The following SLC38A9 variants were observed in gnomAD, a reference collection of about 807,000 sequenced individuals.
SLC38A9 encodes the protein neutral amino acid transporter 9.
SLC38A9 carries 48 observed loss-of-function variants against 62.3 expected under a neutral mutation model. The observed-to-expected ratio is 0.77, with a 90% CI of 0.61 to 0.98. The LOEUF is 0.98. Ranked by LOEUF, SLC38A9 falls within the 50% of genes least tolerant of loss-of-function variation. The pLI is 0.00. For missense variants in SLC38A9, 541 were observed against 679.8 expected (o/e 0.80, Z 2.27); for synonymous variants, 204 against 227.7 (o/e 0.90, Z 0.94).
At position 55,683,288 on chromosome 5, in the gene SLC38A9, T is replaced by A. The variant is rs561508025; in HGVS notation, c.114-10593A>T. Among the ~76,000 whole-genome samples the A allele has an allele frequency of 2.0e-4, 30 of 152,278 alleles. 1 individual carries two copies. The highest frequency in any genetic ancestry group is 7.0e-4 in the African/African-American group (29 of 41,560). On this transcript the variant is annotated intron_variant, in intron 3 of 15. Coordinates refer to ENST00000396865, the MANE Select transcript of SLC38A9 (RefSeq NM_173514.4). ...GTGCAGTGGCTATTCACAGGCACGATCATAGTGCACTGTGGACTCAAACTC... is the reference window on the plus strand; with the variant it reads ...GTGCAGTGGCTATTCACAGGCACGAACATAGTGCACTGTGGACTCAAACTC...
intron 12 of SLC38A9, among the ~76,000 whole-genome samples, chr5:55,645,537 G>C (rs1214085023): frequency 1.3e-5 from 2 of 152,098 alleles, no homozygotes; most frequent in Non-Finnish European, 2.9e-5. Context: ...ATTATCTATG[G>C]CTGCTTTCAT....
rs540983532 is a variant in SLC38A9, at chr5:55,659,968, G to A, written c.698-3194C>T. On this transcript the variant is annotated intron_variant, in intron 8 of 15. Coordinates refer to ENST00000396865, the MANE Select transcript of SLC38A9 (RefSeq NM_173514.4). Reference sequence around the variant, plus strand: ...CTTTTAGTAGAGACAGGGTTTCACCGTGTTCGCCAAGATGGTCTCGGTCTC... The same window carrying A: ...CTTTTAGTAGAGACAGGGTTTCACCATGTTCGCCAAGATGGTCTCGGTCTC... Among the ~76,000 whole-genome samples the A allele has an allele frequency of 9.9e-5, 15 of 150,860 alleles. No homozygotes were observed. In the South Asian group the frequency reaches 2.9e-3, roughly 30 times the overall value.
intron 3 of SLC38A9, among the ~76,000 whole-genome samples, chr5:55,679,796 C>T (rs1240682681): frequency 6.6e-6 from 1 of 152,190 alleles, no homozygotes; most frequent in Admixed American, 6.5e-5. Flanking sequence ...TGGTGAGTGA[C>T]ATTCCACAAA....
Position 55,669,579 on chromosome 5 carries a change from C to G in SLC38A9, c.410G>C (p.Ser137Thr). 6.2e-7 allele frequency: 1 copy of G among 1,609,952 alleles called. No homozygotes were observed. Among genetic ancestry groups the G allele is most frequent in the Non-Finnish European group, 8.5e-7 (1 of 1,177,676 alleles). Residue 137 changes from serine to threonine, a missense_variant, in exon 6 of 16, where the codon AGC (serine) becomes ACC (threonine). Coordinates refer to ENST00000396865, the MANE Select transcript of SLC38A9 (RefSeq NM_173514.4). Reference sequence around the variant, plus strand: ...TACCTGTTTTATGCCCCAAGGAATGCTTAGTATAGATGTTCCCATCATGGT... The same window carrying G: ...TACCTGTTTTATGCCCCAAGGAATGGTTAGTATAGATGTTCCCATCATGGT... ...WNTMMGTSIL[S>T]IPWGIKQAGF...
chr5:55,688,451 C>T (rs1308601381), intron 3 of SLC38A9, among the ~76,000 whole-genome samples: 2 of 149,514 alleles, frequency 1.3e-5, no homozygotes, highest in African/African-American at 4.9e-5. Flanking sequence ...CCGATCCCGG[C>T]TCACTGCAAG....
chr5:55,665,476 G>A (rs1462686877), intron 7 of SLC38A9, among the ~76,000 whole-genome samples: 1 of 151,366 alleles, frequency 6.6e-6, no homozygotes, highest in Non-Finnish European at 1.5e-5. Flanking sequence ...GAACCTGGGA[G>A]GCAGAGGTTG....
Position 55,649,620 on chromosome 5 carries a change from G to A in SLC38A9, c.953-306C>T, listed in dbSNP as rs1026672229. Among the ~76,000 whole-genome samples the A allele has an allele frequency of 3.3e-5, 5 of 152,244 alleles. No homozygotes were observed. The East Asian group carries it at 5.8e-4, about 18-fold the overall frequency. The stretch of plus-strand genomic sequence containing the variant: ...GCAGACCACCTGAGGTCAGGAGTTC[G>A]AGACCAAACCGGCCAACATGGCGAA... On this transcript the variant is annotated intron_variant, in intron 10 of 15. Transcript: ENST00000396865.
intron 8 of SLC38A9, among the ~76,000 whole-genome samples, chr5:55,660,286 G>A (rs901863328): frequency 5.9e-5 from 9 of 151,870 alleles, no homozygotes; most frequent in African/African-American, 1.9e-4. Flanking sequence ...GGTGGTATTT[G>A]CCTGTAGTCT....
At chr5:55,687,075 T>TTG (rs1554065525) in intron 3 of SLC38A9, among the ~76,000 whole-genome samples, 1,066 of 26,486 alleles carry the variant, frequency 0.04, 9 homozygotes, top group African/African-American at 0.074. Flanking sequence ...GTTTTTTTTT[T>TTG]TTTTTTTTTT....
chr5:55,650,426 C>A (rs918118532), intron 10 of SLC38A9, among the ~76,000 whole-genome samples: 2 of 152,194 alleles, frequency 1.3e-5, no homozygotes, highest in African/African-American at 4.8e-5. Context: ...CCTTAAGGAG[C>A]TGAAGAATGA....
chr5:55,648,937 A>C (rs1183895651), intron 11 of SLC38A9, among the ~76,000 whole-genome samples: 1 of 152,186 alleles, frequency 6.6e-6, no homozygotes, highest in Non-Finnish European at 1.5e-5. Flanking sequence ...ATATACCCAT[A>C]AGAAAGGCTA....
chr5:55,666,270 A>T (rs1312244368), intron 7 of SLC38A9, among the ~76,000 whole-genome samples: 1 of 152,212 alleles, frequency 6.6e-6, no homozygotes. Flanking sequence ...CTTTTCCATG[A>T]TAGGATTATT....
chr5:55,691,239 GTCTC>G, intron 3 of SLC38A9: 1 of 1,128,184 alleles, frequency 8.9e-7, no homozygotes, highest in Non-Finnish European at 1.3e-6. Flanking sequence ...AATAGACTAA[GTCTC>G]TGACATATCC....
intron 3 of SLC38A9, among the ~76,000 whole-genome samples, chr5:55,681,663 G>A (rs1403677298): frequency 6.6e-6 from 1 of 152,142 alleles, no homozygotes; most frequent in Non-Finnish European, 1.5e-5. Context: ...AGGTGAACGA[G>A]CCTGACCTTT....
At chr5:55,653,778 C>T (rs1029036205) in intron 9 of SLC38A9, among the ~76,000 whole-genome samples, 1 of 152,092 alleles carries the variant, frequency 6.6e-6, no homozygotes, top group African/African-American at 2.4e-5. Flanking sequence ...CCTACCTCAG[C>T]CTCCTGAGTA....
rs553618222 is a variant in SLC38A9 at position 55,644,963 on chromosome 5, C to T, written c.1167+826G>A. Among the ~76,000 whole-genome samples, 40 of 151,740 alleles carry T rather than the reference C, an allele frequency of 2.6e-4. No homozygotes were observed. The East Asian group carries it at 7.8e-3, about 29-fold the overall frequency. ...ATTCCCATCTATGAGTGAGAACATG[C>T]GGTGTTTGGTTTTTTGTCCTTGCGA... On this transcript the variant is annotated intron_variant, in intron 12 of 15. Coordinates refer to ENST00000396865, the MANE Select transcript of SLC38A9 (RefSeq NM_173514.4).
chr5:55,641,438 T>C (rs746289512), intron 12 of SLC38A9, among the ~76,000 whole-genome samples: 2 of 152,248 alleles, frequency 1.3e-5, no homozygotes, highest in Non-Finnish European at 2.9e-5. Flanking sequence ...GATATCTTCA[T>C]TCTTGTAATC....
At chr5:55,703,534 T>C (rs1242290561) in intron 2 of SLC38A9, among the ~76,000 whole-genome samples, 2 of 152,144 alleles carry the variant, frequency 1.3e-5, no homozygotes, top group Non-Finnish European at 2.9e-5. Context: ...GTTACAAAAA[T>C]CCCAGTAAGA....
At chr5:55,696,311 T>C (rs1283849014) in intron 3 of SLC38A9, 2 of 22,330 alleles carry the variant, frequency 9.0e-5, no homozygotes, top group African/African-American at 1.1e-4. Flanking sequence ...TCCCCCCACC[T>C]CCCTCCCGGA....
Sources: gnomAD v4.1 joint callset for allele counts (sites outside exome capture counted in the v4.1 genomes callset) on GRCh38, gnomAD v4.1.1 for gene constraint, MANE v1.5 for transcripts, NCBI Gene and HGNC (gene_info 2026-07-23, HGNC 2026-07-21) for gene names.